The following RPAP2 variants were observed in gnomAD, a reference collection of about 807,000 sequenced individuals.
RPAP2 encodes putative RNA polymerase II subunit B1 CTD phosphatase RPAP2.
RPAP2 carries 52 observed loss-of-function variants against 73.1 expected under a neutral mutation model. The observed-to-expected ratio is 0.71, with a 90% confidence interval of 0.57 to 0.90. The LOEUF (loss-of-function observed/expected upper bound fraction) is 0.90, where lower values mean the gene tolerates loss of function less well. Among genes scored for constraint, RPAP2 ranks in the 40% least tolerant of loss-of-function variants. RPAP2 has a pLI of 0.00. For missense variants in RPAP2, 598 were observed against 701.8 expected (o/e 0.85, Z 1.67); for synonymous variants, 225 against 242.1 (o/e 0.93, Z 0.65).
At chr1:92,346,109 C>T (rs1037455205) in intron 11 of RPAP2, among the ~76,000 whole-genome samples, 195 bp downstream of exon 11, 1 of 151,682 alleles carries the variant, frequency 6.6e-6, no homozygotes, top group Admixed American at 6.6e-5. Context: ...ATATTTTTTA[C>T]CATCTTTTCT....
At chr1:92,383,971 T>TA (rs1239843679) in intron 12 of RPAP2, among the ~76,000 whole-genome samples, 1 of 151,662 alleles carries the variant, frequency 6.6e-6, no homozygotes, top group Non-Finnish European at 1.5e-5. Context: ...AACAATCTTT[T>TA]TTTTTTTGAG....
At chr1:92,374,217 A>G (rs1655295583) in intron 11 of RPAP2, among the ~76,000 whole-genome samples, 1 of 152,182 alleles carries the variant, frequency 6.6e-6, no homozygotes, top group Non-Finnish European at 1.5e-5. Context: ...ACCATGACTA[A>G]GAGGAGGAGA....
At chr1:92,362,493 GA>G (rs1461341965) in intron 11 of RPAP2, among the ~76,000 whole-genome samples, 8 of 152,148 alleles carry the variant, frequency 5.3e-5, no homozygotes, top group Admixed American at 1.3e-4. Context: ...CATTCGCTTT[GA>G]ATGAGTTTGG....
At chr1:92,307,882 C>T (rs1651346348) in intron 6 of RPAP2, among the ~76,000 whole-genome samples, 2 of 151,792 alleles carry the variant, frequency 1.3e-5, no homozygotes, top group African/African-American at 4.8e-5. Flanking sequence ...ACAAGTTATC[C>T]TTATGGTAAT....
chr1:92,361,626 TAAAAG>T (rs1654740429), intron 11 of RPAP2, among the ~76,000 whole-genome samples: 1 of 152,182 alleles, frequency 6.6e-6, no homozygotes, highest in African/African-American at 2.4e-5. Context: ...TATTTAGCCT[TAAAAG>T]AATTGCTACT....
chr1:92,301,545 A>G lies in RPAP2; in HGVS notation c.189A>G (p.Glu63=), dbSNP rs772662572. Residue 63 remains glutamate (E), a synonymous_variant, in exon 3 of 13, where the codon GAA becomes GAG. Transcript: ENST00000610020. ...EFERKALHIV[E]QLLEENITEE... ...AGAGAAAAGCTCTACATATTGTTGA[A>G]CAGCTTTTAGAGGAGAATATTACAG... 2.5e-6 allele frequency: 4 copies of G among 1,585,144 alleles called. No homozygotes were observed. The South Asian group carries it at 3.5e-5, about 14-fold the overall frequency.
chr1:92,342,219 CTGTT>C (rs1356883419), intron 10 of RPAP2, among the ~76,000 whole-genome samples: 1 of 152,142 alleles, frequency 6.6e-6, no homozygotes, highest in Non-Finnish European at 1.5e-5. Flanking sequence ...TGAGAAGACA[CTGTT>C]TGTGTAAAGA....
intron 6 of RPAP2, among the ~76,000 whole-genome samples, chr1:92,316,017 A>G (rs1311449742): frequency 6.6e-6 from 1 of 152,228 alleles, no homozygotes; most frequent in Non-Finnish European, 1.5e-5. Flanking sequence ...GTAATTATAT[A>G]GTTGCAGTTA....
chr1:92,354,448 G>A (rs552197281), intron 11 of RPAP2, among the ~76,000 whole-genome samples: 1 of 152,308 alleles, frequency 6.6e-6, no homozygotes, highest in South Asian at 2.1e-4. Context: ...TAGATATAAA[G>A]TTGTAAAGTC....
In RPAP2 at chr1:92,394,728, T is replaced by G. The variant is rs1656141518; in HGVS notation, c.*7717T>G. Reference sequence around the variant, plus strand: ...GTAGACACAATCCATGTTCATGAATTGGAAGATCAAATGTTGTTAAGATAG... The same window carrying G: ...GTAGACACAATCCATGTTCATGAATGGGAAGATCAAATGTTGTTAAGATAG... On this transcript the variant is annotated 3_prime_UTR_variant, in exon 13 of 13. Coordinates refer to ENST00000610020, the MANE Select transcript of RPAP2 (RefSeq NM_024813.3). The G allele has an allele frequency of 6.6e-6, 1 of 152,188 alleles. No individual in the cohort carries two copies. The highest frequency in any genetic ancestry group is 1.5e-5 in the Non-Finnish European group (1 of 68,032). The allele number at this position is 152,188 out of a possible 1,614,324, so 9.4% of individuals were successfully genotyped here. A position where few individuals can be genotyped will look rare whatever the true frequency, so the allele number is the denominator to read the frequency against.
chr1:92,358,387 T>C (rs1370984340), intron 11 of RPAP2, among the ~76,000 whole-genome samples: 1 of 152,140 alleles, frequency 6.6e-6, no homozygotes, highest in African/African-American at 2.4e-5. Context: ...CTTTCAGAAC[T>C]TGAGGAAGTG....
intron 1 of RPAP2, 77 bp downstream of exon 1, chr1:92,299,223 G>A: frequency 1.1e-6 from 1 of 908,754 alleles, no homozygotes; most frequent in Non-Finnish European, 1.6e-6. Context: ...CGCAGCGCGC[G>A]GGCGCTCCTG....
At chr1:92,371,901 A>AAG (rs1655172038) in intron 11 of RPAP2, among the ~76,000 whole-genome samples, 1 of 151,296 alleles carries the variant, frequency 6.6e-6, no homozygotes, top group Non-Finnish European at 1.5e-5. Context: ...AAAAAAAAAA[A>AAG]AAAAAAACCA....
chr1:92,382,513 A>C lies in RPAP2; in HGVS notation c.1838+1640A>C, dbSNP rs375360971. 4.9e-4 allele frequency among the ~76,000 whole-genome samples: 74 copies of C among 152,206 alleles called. No homozygotes were observed. The East Asian group carries it at 0.013, about 27-fold the overall frequency. On this transcript the variant is annotated intron_variant, in intron 12 of 12. Coordinates refer to ENST00000610020, the MANE Select transcript of RPAP2 (RefSeq NM_024813.3). ...TGTGGTTTTGATTTGCATTTCTCTG[A>C]TGGCCAGTGATGATGAGCATTTTTT...
intron 6 of RPAP2, among the ~76,000 whole-genome samples, chr1:92,315,381 C>G (rs901413936): frequency 1.3e-5 from 2 of 152,112 alleles, no homozygotes; most frequent in African/African-American, 4.8e-5. Context: ...ATTACTATAA[C>G]AGATAATAAT....
intron 6 of RPAP2, among the ~76,000 whole-genome samples, chr1:92,317,767 T>C (rs572522591): frequency 3.3e-5 from 5 of 152,306 alleles, no homozygotes; most frequent in African/African-American, 1.2e-4. Context: ...TCCCTTGCCT[T>C]CTTTAAAGAT....
In RPAP2 at chr1:92,336,505, G is replaced by A. The variant is rs892448245; in HGVS notation, c.1619+78G>A. On this transcript the variant is annotated intron_variant, in intron 10 of 12. Transcript: ENST00000610020. ...GCCTTGCAGAATCCAAAGGCACAGA[G>A]AAAGTAAGTGACTTACCTTTCAATG... 22 of 926,164 alleles carry A rather than the reference G, an allele frequency of 2.4e-5. No homozygotes were observed. The African/African-American group carries it at 3.5e-4, about 15-fold the overall frequency. The allele number at this position is 926,164 out of a possible 1,614,324, so 57.4% of individuals were successfully genotyped here.
intron 7 of RPAP2, among the ~76,000 whole-genome samples, chr1:92,321,926 G>A (rs1383661417): frequency 1.0e-4 from 14 of 138,378 alleles, no homozygotes; most frequent in Admixed American, 2.2e-4. Flanking sequence ...TTAAGAAACC[G>A]ATAATGAAAT....
intron 11 of RPAP2, among the ~76,000 whole-genome samples, chr1:92,379,923 C>G (rs1340428244): frequency 6.7e-6 from 1 of 149,054 alleles, no homozygotes; most frequent in Admixed American, 6.7e-5. Context: ...AGCAAGACTC[C>G]ATCTCAAAAA....
Sources: allele counts gnomAD v4.1 joint callset (sites outside exome capture counted in the v4.1 genomes callset), GRCh38; gene constraint gnomAD v4.1.1; transcripts MANE v1.5; gene names NCBI Gene and HGNC (gene_info 2026-07-23, HGNC 2026-07-21).